The following UGT1A6 variants were observed in gnomAD, a reference collection of about 807,000 sequenced individuals.
UGT1A6 encodes UDP-glucuronosyltransferase 1A6.
UGT1A6 carries 32 observed loss-of-function variants against 44.4 expected under a neutral mutation model. That is an observed-to-expected ratio of 0.72 (90% CI 0.54 to 0.97). The LOEUF is 0.97. Ranked by LOEUF, UGT1A6 falls within the 50% of genes least tolerant of loss-of-function variation. UGT1A6 has a pLI of 0.00. For missense variants in UGT1A6, 685 were observed against 661.9 expected (o/e 1.03, Z -0.38); for synonymous variants, 238 against 248.5 (o/e 0.96, Z 0.40).
intron 4 of UGT1A6, chr2:233,770,673 A>G (rs1176637451): frequency 6.6e-6 from 1 of 152,078 alleles, no homozygotes; most frequent in African/African-American, 2.4e-5. Context: ...AAAAAAAAAA[A>G]AAGAAGGTTC....
chr2:233,706,580 A>T (rs903868789), intron 1 of UGT1A6, among the ~76,000 whole-genome samples: 5 of 152,102 alleles, frequency 3.3e-5, no homozygotes, highest in African/African-American at 1.2e-4. Context: ...AAGAGTGGAG[A>T]TGGGAGGTGG....
intron 1 of UGT1A6, among the ~76,000 whole-genome samples, chr2:233,761,780 C>T (rs762414530): frequency 3.3e-5 from 5 of 152,172 alleles, no homozygotes; most frequent in African/African-American, 9.7e-5. Flanking sequence ...ACATCCTCAT[C>T]GAAATCTCAG....
chr2:233,710,242 G>A (rs2076122123), intron 1 of UGT1A6, among the ~76,000 whole-genome samples: 2 of 152,288 alleles, frequency 1.3e-5, no homozygotes, highest in South Asian at 2.1e-4. Context: ...ATTCGAGTAC[G>A]AGTGTTTCTG....
At chr2:233,719,461 T>C (rs1219690957) in intron 1 of UGT1A6, 1 of 1,613,972 alleles carries the variant, frequency 6.2e-7, no homozygotes, top group Non-Finnish European at 8.5e-7. Context: ...GTCAAGAACA[T>C]GCTCTACCCT....
intron 1 of UGT1A6, among the ~76,000 whole-genome samples, chr2:233,746,725 G>A (rs1489490060): frequency 6.6e-6 from 1 of 151,774 alleles, no homozygotes; most frequent in Non-Finnish European, 1.5e-5. Flanking sequence ...AATTAGCAAT[G>A]GATTCTGCTT....
chr2:233,712,961 G>T (rs2076264324), intron 1 of UGT1A6: 1 of 1,612,910 alleles, frequency 6.2e-7, no homozygotes, highest in Non-Finnish European at 8.5e-7. Context: ...AACGTGGGGT[G>T]GACAGTCAGC....
At chr2:233,767,818 C>T (rs766005162) in intron 2 of UGT1A6, 31 bp from the exon 3 acceptor site, 60 of 1,614,028 alleles carry the variant, frequency 3.7e-5, no homozygotes, top group Non-Finnish European at 4.5e-5. Context: ...TATGTTCTTT[C>T]TTTACGTTCT....
chr2:233,729,309 C>T, intron 1 of UGT1A6: 3 of 1,614,256 alleles, frequency 1.9e-6, no homozygotes, highest in Non-Finnish European at 2.5e-6. Context: ...CAGTGGTCCT[C>T]ACCCCAGAGG....
At chr2:233,740,309 G>A (rs1460267947) in intron 1 of UGT1A6, among the ~76,000 whole-genome samples, 2 of 151,928 alleles carry the variant, frequency 1.3e-5, no homozygotes, top group African/African-American at 4.9e-5. Context: ...CTGAGAAAAG[G>A]AAATGAATCT....
intron 1 of UGT1A6, chr2:233,718,978 C>A (rs200639166): frequency 6.2e-7 from 1 of 1,614,096 alleles, no homozygotes; most frequent in Non-Finnish European, 8.5e-7. Flanking sequence ...GAGCTCCATG[C>A]CAGAGGCCAC....
chr2:233,761,889 C>G (rs2125994271), intron 1 of UGT1A6, among the ~76,000 whole-genome samples: 1 of 152,322 alleles, frequency 6.6e-6, no homozygotes, highest in Middle Eastern at 3.4e-3. Context: ...TTCACTTATC[C>G]TGCAAAGATT....
chr2:233,718,634 G>C (rs2076669947), intron 1 of UGT1A6: 1 of 1,457,400 alleles, frequency 6.9e-7, no homozygotes, highest in Non-Finnish European at 9.2e-7. Flanking sequence ...GTCTTTCCCA[G>C]GGTTGGGCCC....
chr2:233,729,651 C>T (rs1188318703), intron 1 of UGT1A6: 5 of 1,613,894 alleles, frequency 3.1e-6, no homozygotes, highest in African/African-American at 2.7e-5. Context: ...TTTTGAGGAA[C>T]ATTCCATGTG....
At chr2:233,721,907 C>A in intron 1 of UGT1A6, 1 of 444,142 alleles carries the variant, frequency 2.3e-6, no homozygotes, top group South Asian at 1.7e-5. Context: ...AAATGGTGCA[C>A]ACTGCTTCCA....
In UGT1A6 at chr2:233,768,446, A is replaced by C. The variant is rs752429515; in HGVS notation, c.1301+7A>C. 1 of 1,612,506 alleles carries C rather than the reference A, an allele frequency of 6.2e-7. No homozygotes were observed. Among genetic ancestry groups the C allele is most frequent in the Non-Finnish European group, 8.5e-7 (1 of 1,179,230 alleles). ...CAGTCATCAATGACAAAAGGTAAGAAAGAAGATACAGAAGAATACTTTGGT... is the reference window on the plus strand; with the variant it reads ...CAGTCATCAATGACAAAAGGTAAGACAGAAGATACAGAAGAATACTTTGGT... On this transcript the variant is annotated splice_region_variant and intron_variant, in intron 4 of 4. Coordinates refer to ENST00000305139, the MANE Select transcript of UGT1A6 (RefSeq NM_001072.4).
At chr2:233,752,552 G>C (rs942776893) in intron 1 of UGT1A6, 3 of 152,120 alleles carry the variant, frequency 2.0e-5, no homozygotes, top group Admixed American at 1.3e-4. Flanking sequence ...GCTCTTGCTG[G>C]GACAACATAG....
chr2:233,726,571 G>C (rs949058531), intron 1 of UGT1A6, among the ~76,000 whole-genome samples: 3 of 152,106 alleles, frequency 2.0e-5, no homozygotes, highest in African/African-American at 7.2e-5. Context: ...TCTTACGCCT[G>C]TCTCCTTCAC....
At chr2:233,744,111 T>C in intron 1 of UGT1A6, 1 of 390,020 alleles carries the variant, frequency 2.6e-6, no homozygotes, top group Non-Finnish European at 4.7e-6. Context: ...CTGGCCCTGC[T>C]CTCTGTGAGG....
At chr2:233,729,726 C>A in intron 1 of UGT1A6, 1 of 1,613,932 alleles carries the variant, frequency 6.2e-7, no homozygotes, top group Non-Finnish European at 8.5e-7. Context: ...TACTAACAAC[C>A]AATTCAGACC....
Sources: allele counts gnomAD v4.1 joint callset (sites outside exome capture counted in the v4.1 genomes callset), GRCh38; gene constraint gnomAD v4.1.1; transcripts MANE v1.5; gene names NCBI Gene and HGNC (gene_info 2026-07-23, HGNC 2026-07-21).